Variants in HOXC13 observed in about 807,000 individuals in gnomAD.
HOXC13 encodes the protein homeobox protein Hox-C13.
A neutral mutation model predicts 25.9 loss-of-function variants in HOXC13; 10 were observed. The observed-to-expected ratio is 0.39, with a 90% CI of 0.24 to 0.65. The LOEUF is 0.65. Ranked by LOEUF, HOXC13 falls within the 30% of genes least tolerant of loss-of-function variation. HOXC13 has a pLI of 0.50. For synonymous variants in HOXC13, 233 were observed against 217.1 expected (o/e 1.07, Z -0.64); for missense variants, 439 against 478.3 (o/e 0.92, Z 0.77).
Position 53,939,669 on chromosome 12 carries a change from C to A in HOXC13, c.736+27C>A, listed in dbSNP as rs1259251114. On this transcript the variant is annotated intron_variant, in intron 1 of 1. Coordinates refer to ENST00000243056, the MANE Select transcript of HOXC13 (RefSeq NM_017410.3). The surrounding 1 kb of genome is among the most constrained non-coding windows in gnomAD (Gnocchi z 6.7). ...TAAGGAAGGGACCCGAGCGCCGCCGCCGCCGGGGACCCCTCCCCGCCCTGC... is the reference window on the plus strand; with the variant it reads ...TAAGGAAGGGACCCGAGCGCCGCCGACGCCGGGGACCCCTCCCCGCCCTGC... 2.2e-6 allele frequency: 3 copies of A among 1,353,478 alleles called. No individual in the cohort carries two copies. The Admixed American group carries it at 1.0e-4, about 47-fold the overall frequency. 83.8% of individuals were successfully genotyped at this position (1,353,478 alleles called of 1,614,324 possible).
rs1938558603 is a variant in HOXC13, at chr12:53,938,854, A to G, written c.-53A>G. ...GGAAACAGGAGCGAGGTGTCTCCCT[A>G]GCTCGCTGCCTCTGGCAAGTGGAGT... On this transcript the variant is annotated 5_prime_UTR_variant, in exon 1 of 2. Transcript: ENST00000243056. 2.9e-5 allele frequency: 41 copies of G among 1,437,464 alleles called. No individual in the cohort carries two copies. Among genetic ancestry groups the G allele is most frequent in the Non-Finnish European group, 3.8e-5 (41 of 1,077,616 alleles). The allele number at this position is 1,437,464 out of a possible 1,614,324, so 89.0% of individuals were successfully genotyped here. A position where few individuals can be genotyped will look rare whatever the true frequency, so the allele number is the denominator to read the frequency against.
rs1418870386 is a variant in HOXC13, at chr12:53,939,478, T to C, written c.572T>C (p.Val191Ala). The stretch of plus-strand genomic sequence containing the variant: ...CAGGCGATGCCCGGCTACCTGGACG[T>C]GTCGGTGGTGCCCGGGATCAGCGGG... Reference protein sequence around the residue: ...SYQAMPGYLDVSVVPGISGHP... With the variant: ...SYQAMPGYLDASVVPGISGHP... Residue 191 changes from valine to alanine, a missense_variant, in exon 1 of 2, where the codon GTG (valine) becomes GCG (alanine). Transcript: ENST00000243056. The surrounding 1 kb of genome is among the most constrained non-coding windows in gnomAD (Gnocchi z 6.7). 2 of 1,609,600 alleles carry C rather than the reference T, an allele frequency of 1.2e-6. No individual in the cohort carries two copies. Among genetic ancestry groups the C allele is most frequent in the South Asian group, 2.2e-5 (2 of 90,908 alleles).
intron 1 of HOXC13, among the ~76,000 whole-genome samples, chr12:53,942,516 T>G (rs1938629883): frequency 6.6e-6 from 1 of 152,108 alleles, no homozygotes; most frequent in Admixed American, 6.5e-5. Context: ...TATTTACTCC[T>G]CAAAGGTGTC....
In HOXC13 at chr12:53,945,878, A is replaced by G. The variant is rs535408592; in HGVS notation, c.*622A>G. On this transcript the variant is annotated 3_prime_UTR_variant, in exon 2 of 2. Transcript: ENST00000243056. This position sits in a 1 kb window ranked among gnomAD's most constrained non-coding sequence, Gnocchi z 4.4. ...GTAAAAGCTGGAATTCCGTAAAAGCATTGACGCAGCCCCTACACTCCATCC... is the reference window on the plus strand; with the variant it reads ...GTAAAAGCTGGAATTCCGTAAAAGCGTTGACGCAGCCCCTACACTCCATCC... The G allele has an allele frequency of 8.5e-6, 2 of 234,092 alleles. No individual in the cohort carries two copies. The highest frequency in any genetic ancestry group is 6.1e-5 in the East Asian group (1 of 16,412). 14.5% of individuals were successfully genotyped at this position (234,092 alleles called of 1,614,324 possible).
rs1329587855 is a variant in HOXC13, at chr12:53,939,829, T to C, written c.736+187T>C. 6.6e-6 allele frequency among the ~76,000 whole-genome samples: 1 copy of C among 152,044 alleles called. No homozygotes were observed. Among genetic ancestry groups the C allele is most frequent in the Admixed American group, 6.5e-5 (1 of 15,276 alleles). On this transcript the variant is annotated intron_variant, in intron 1 of 1. Transcript: ENST00000243056. The surrounding 1 kb of genome is among the most constrained non-coding windows in gnomAD (Gnocchi z 6.7). ...GGGGAAGAAATCTGCTCCGACACGT[T>C]CTCTGTAGCTGCCCGGCCGAGAATG... is the stretch of plus-strand genomic sequence containing the variant.
chr12:53,940,092 C>T (rs891658433), intron 1 of HOXC13, among the ~76,000 whole-genome samples: 9 of 152,224 alleles, frequency 5.9e-5, no homozygotes, highest in African/African-American at 2.2e-4. Context: ...TGACAGAATT[C>T]GCAGGATCGT....
At chr12:53,940,184 C>T (rs1441434507) in intron 1 of HOXC13, among the ~76,000 whole-genome samples, 1 of 152,072 alleles carries the variant, frequency 6.6e-6, no homozygotes, top group Admixed American at 6.5e-5. Flanking sequence ...TTTTCCTTTC[C>T]TGACTTATTT....
chr12:53,941,689 C>T (rs1475303910), intron 1 of HOXC13, among the ~76,000 whole-genome samples: 1 of 152,106 alleles, frequency 6.6e-6, no homozygotes, highest in Non-Finnish European at 1.5e-5. Context: ...ATTTAATACA[C>T]TTGCAAATTA....
In HOXC13 at chr12:53,939,353, G is replaced by A. The variant is rs1296622978; in HGVS notation, c.447G>A (p.Pro149=). The A allele has an allele frequency of 6.2e-7, 1 of 1,605,262 alleles. No individual in the cohort carries two copies. Among genetic ancestry groups the A allele is most frequent in the Non-Finnish European group, 8.5e-7 (1 of 1,177,162 alleles). ...NLQQKPCAYH[P]GDKYPEPSGA... ...AGCAGAAGCCTTGCGCCTACCACCCGGGCGATAAATACCCGGAGCCGTCGG... is the reference window on the plus strand; with the variant it reads ...AGCAGAAGCCTTGCGCCTACCACCCAGGCGATAAATACCCGGAGCCGTCGG... The change falls in exon 1 of 2, where the codon CCG becomes CCA. Residue 149 remains proline, a synonymous_variant. Coordinates refer to ENST00000243056, the MANE Select transcript of HOXC13 (RefSeq NM_017410.3). This position sits in a 1 kb window ranked among gnomAD's most constrained non-coding sequence, Gnocchi z 6.7.
intron 1 of HOXC13, among the ~76,000 whole-genome samples, chr12:53,944,123 G>A (rs1337123958): frequency 3.3e-5 from 5 of 152,192 alleles, no homozygotes; most frequent in Non-Finnish European, 7.3e-5. Flanking sequence ...TCCTTCAGCT[G>A]TGAAGGAATG....
intron 1 of HOXC13, among the ~76,000 whole-genome samples, chr12:53,943,241 C>T (rs11170769): frequency 6.6e-6 from 1 of 152,160 alleles, no homozygotes; most frequent in East Asian, 1.9e-4. Flanking sequence ...AAAAAATGTT[C>T]TGAGGATTAA....
intron 1 of HOXC13, among the ~76,000 whole-genome samples, chr12:53,943,782 A>G (rs1938647454): frequency 1.3e-5 from 2 of 152,264 alleles, no homozygotes; most frequent in South Asian, 4.1e-4. Context: ...CTGTGTCTAT[A>G]GTTTCAAAAT....
rs1938583936 is a variant in HOXC13, at chr12:53,939,999, C to A, written c.736+357C>A. Among the ~76,000 whole-genome samples, 1 of 152,200 alleles carries A rather than the reference C, an allele frequency of 6.6e-6. No individual in the cohort carries two copies. Among genetic ancestry groups the A allele is most frequent in the African/African-American group, 2.4e-5 (1 of 41,450 alleles). On this transcript the variant is annotated intron_variant, in intron 1 of 1. Coordinates refer to ENST00000243056, the MANE Select transcript of HOXC13 (RefSeq NM_017410.3). The surrounding 1 kb of genome is among the most constrained non-coding windows in gnomAD (Gnocchi z 6.7). ...GGCAAGGGATGGGGGCGGGGTGGGC[C>A]TATAGTGCCTTGGAATCCAGGACAA...
chr12:53,945,423 C>A lies in HOXC13; in HGVS notation c.*167C>A. 1 of 740,994 alleles carries A rather than the reference C, an allele frequency of 1.3e-6. No homozygotes were observed. Among genetic ancestry groups the A allele is most frequent in the Non-Finnish European group, 2.2e-6 (1 of 457,680 alleles). The allele number at this position is 740,994 out of a possible 1,614,324, so 45.9% of individuals were successfully genotyped here. A position where few individuals can be genotyped will look rare whatever the true frequency, so the allele number is the denominator to read the frequency against. On this transcript the variant is annotated 3_prime_UTR_variant, in exon 2 of 2. Coordinates refer to ENST00000243056, the MANE Select transcript of HOXC13 (RefSeq NM_017410.3). This position sits in a 1 kb window ranked among gnomAD's most constrained non-coding sequence, Gnocchi z 4.4. ...TCCATGGCCGTGCTGCTGGGCCATC[C>A]CCAACTCCCTATCCCATCCCCAGCC... is the stretch of plus-strand genomic sequence containing the variant.
intron 1 of HOXC13, 50 bp from the exon 2 acceptor site, chr12:53,944,950 C>G: frequency 6.2e-7 from 1 of 1,608,842 alleles, no homozygotes; most frequent in Non-Finnish European, 8.5e-7. Context: ...TCCTCTATCT[C>G]AGTCCAGCCG....
At chr12:53,943,549 T>G (rs1258865489) in intron 1 of HOXC13, among the ~76,000 whole-genome samples, 2 of 151,964 alleles carry the variant, frequency 1.3e-5, no homozygotes, top group East Asian at 1.9e-4. Context: ...TCCTGAGAAA[T>G]TGTCACCAGA....
Position 53,938,993 on chromosome 12 carries a change from C to T in HOXC13, c.87C>T (p.Gly29=). 1 of 1,499,134 alleles carries T rather than the reference C, an allele frequency of 6.7e-7. No homozygotes were observed. The highest frequency in any genetic ancestry group is 8.8e-7 in the Non-Finnish European group (1 of 1,130,488). 92.9% of individuals were successfully genotyped at this position (1,499,134 alleles called of 1,614,324 possible). ...ACAGCGCGGCGGAGAGCGGCATCGG[C>T]GGCGGCGGCGGAGGAGGAGGCGGCG... ...YEDSAAESGI[G]GGGGGGGGGT... is the part of the protein sequence containing the mutation. The change falls in exon 1 of 2, where the codon GGC becomes GGT. Residue 29 remains glycine (G), a synonymous_variant. Coordinates refer to ENST00000243056, the MANE Select transcript of HOXC13 (RefSeq NM_017410.3).
chr12:53,942,409 G>C (rs1292055951), intron 1 of HOXC13, among the ~76,000 whole-genome samples: 2 of 151,626 alleles, frequency 1.3e-5, no homozygotes, highest in Admixed American at 6.6e-5. Context: ...TTGCCTGTGG[G>C]GGGGCGGGTG....
Position 53,939,440 on chromosome 12 carries a change from C to T in HOXC13, c.534C>T (p.Phe178=). 1.2e-6 allele frequency: 2 copies of T among 1,605,966 alleles called. No homozygotes were observed. The highest frequency in any genetic ancestry group is 1.7e-6 in the Non-Finnish European group (2 of 1,178,154). ...RAKEFAFYPS[F]ASSYQAMPGY... is the part of the protein sequence containing the mutation. ...AGGAGTTCGCCTTCTACCCCAGCTT[C>T]GCCAGCTCCTACCAGGCGATGCCCG... Residue 178 remains phenylalanine, a synonymous_variant, in exon 1 of 2, where the codon TTC becomes TTT. Transcript: ENST00000243056. This position sits in a 1 kb window ranked among gnomAD's most constrained non-coding sequence, Gnocchi z 6.7.
Sources: allele counts gnomAD v4.1 joint callset (sites outside exome capture counted in the v4.1 genomes callset), GRCh38; gene constraint gnomAD v4.1.1; non-coding constraint Gnocchi (gnomAD v3.1); transcripts MANE v1.5; gene names NCBI Gene and HGNC (gene_info 2026-07-23, HGNC 2026-07-21).